UVRAG: variants seen among roughly 807,000 people sequenced by gnomAD.
The protein encoded by UVRAG is UV radiation resistance-associated gene protein.
A neutral mutation model predicts 78.0 loss-of-function variants in UVRAG; 19 were observed. That is an observed-to-expected ratio of 0.24 (90% confidence interval 0.17 to 0.36). The LOEUF is 0.36. Ranked by LOEUF, UVRAG falls within the 10% of genes least tolerant of loss-of-function variation. UVRAG has a pLI of 1.00. For synonymous variants in UVRAG, 323 were observed against 324.6 expected (o/e 1.00, Z 0.05); for missense variants, 740 against 853.8 (o/e 0.87, Z 1.66).
intron 14 of UVRAG, among the ~76,000 whole-genome samples, chr11:76,121,180 T>G (rs1219869141): frequency 6.6e-6 from 1 of 152,248 alleles, no homozygotes; most frequent in African/African-American, 2.4e-5. Flanking sequence ...TATGGAATTC[T>G]TAGCTAATAT....
chr11:76,022,896 T>C (rs543541877), intron 12 of UVRAG, among the ~76,000 whole-genome samples: 1 of 152,332 alleles, frequency 6.6e-6, no homozygotes, highest in South Asian at 2.1e-4. Flanking sequence ...GTGTACCCTT[T>C]TGATTCCTTT....
chr11:75,872,572 A>G (rs1378284808), intron 3 of UVRAG, among the ~76,000 whole-genome samples: 6 of 151,968 alleles, frequency 3.9e-5, no homozygotes, highest in African/African-American at 4.8e-5. Context: ...ATTTTTTAGT[A>G]GAGGTGGGGT....
At chr11:76,116,340 C>T (rs1480231058) in intron 14 of UVRAG, among the ~76,000 whole-genome samples, 1 of 152,210 alleles carries the variant, frequency 6.6e-6, no homozygotes, top group East Asian at 1.9e-4. Context: ...CCCAGAGCCC[C>T]TTGGACCTTT....
intron 6 of UVRAG, among the ~76,000 whole-genome samples, chr11:75,926,311 G>C (rs1354700860): frequency 1.3e-5 from 2 of 152,178 alleles, no homozygotes; most frequent in Non-Finnish European, 2.9e-5. Flanking sequence ...TTCTTTCTTA[G>C]TTGGCATCCC....
At chr11:75,977,262 A>G (rs999317097) in intron 7 of UVRAG, among the ~76,000 whole-genome samples, 4 of 152,144 alleles carry the variant, frequency 2.6e-5, no homozygotes, top group Non-Finnish European at 1.5e-5. Context: ...GTTCTTTTAC[A>G]TTTGCCGAGG....
intron 5 of UVRAG, among the ~76,000 whole-genome samples, chr11:75,892,901 C>T (rs964716478): frequency 6.6e-5 from 10 of 152,156 alleles, no homozygotes; most frequent in Admixed American, 3.9e-4. Context: ...TATTCCTGGC[C>T]GGGTGCTGTG....
At chr11:75,976,690 A>G (rs1438946318) in intron 7 of UVRAG, among the ~76,000 whole-genome samples, 1 of 151,912 alleles carries the variant, frequency 6.6e-6, no homozygotes, top group Non-Finnish European at 1.5e-5. Flanking sequence ...GGTAGTTTGT[A>G]TCTCTGTGGG....
intron 1 of UVRAG, among the ~76,000 whole-genome samples, chr11:75,820,239 A>T (rs759401203): frequency 3.9e-5 from 6 of 152,230 alleles, no homozygotes; most frequent in Non-Finnish European, 7.3e-5. Context: ...TGACCTCCCA[A>T]AGTGTTGGGA....
intron 13 of UVRAG, among the ~76,000 whole-genome samples, chr11:76,104,299 T>C (rs1011146494): frequency 2.6e-5 from 4 of 152,208 alleles, no homozygotes; most frequent in Non-Finnish European, 5.9e-5. Context: ...ATCACCATTA[T>C]CATCATCGTT....
chr11:76,019,685 G>GTC (rs901338994), intron 12 of UVRAG, among the ~76,000 whole-genome samples: 6 of 152,222 alleles, frequency 3.9e-5, no homozygotes, highest in East Asian at 1.9e-4. Flanking sequence ...CTTTTTCTCA[G>GTC]TCTCTCTCTC....
At chr11:75,826,319 C>T (rs190105909) in intron 1 of UVRAG, among the ~76,000 whole-genome samples, 4 of 151,712 alleles carry the variant, frequency 2.6e-5, no homozygotes, top group Non-Finnish European at 5.9e-5. Flanking sequence ...CCACACCCAC[C>T]TAATTTTTTG....
At chr11:75,887,534 G>A (rs1392520352) in intron 4 of UVRAG, among the ~76,000 whole-genome samples, 1 of 146,232 alleles carries the variant, frequency 6.8e-6, no homozygotes, top group Non-Finnish European at 1.5e-5. Context: ...TGCAAGCTCT[G>A]CCTCCCGGGT....
Position 76,142,758 on chromosome 11 carries a change from C to T in UVRAG, c.*1345C>T, listed in dbSNP as rs571255341. ...TGAACAAAAGCCATGTCTATCTAAG[C>T]GGAGGCTGTTGACTTCATTCAGTTT... On this transcript the variant is annotated 3_prime_UTR_variant, in exon 15 of 15. Transcript: ENST00000356136. The T allele has an allele frequency of 2.0e-5, 3 of 152,302 alleles. No homozygotes were observed. The highest frequency in any genetic ancestry group is 7.2e-5 in the African/African-American group (3 of 41,564). 9.4% of individuals were successfully genotyped at this position (152,302 alleles called of 1,614,324 possible).
intron 1 of UVRAG, among the ~76,000 whole-genome samples, chr11:75,847,179 G>A (rs1446463376): frequency 6.6e-6 from 1 of 151,544 alleles, no homozygotes; most frequent in Non-Finnish European, 1.5e-5. Flanking sequence ...CCAGGCTGGA[G>A]TGCAGTGGCG....
At chr11:75,835,221 C>G (rs1469323312) in intron 1 of UVRAG, 1 of 152,066 alleles carries the variant, frequency 6.6e-6, no homozygotes, top group East Asian at 1.9e-4. Context: ...TTTTTTAAGA[C>G]TAGTCAAGTG....
At chr11:75,983,066 T>C (rs1396800766) in intron 7 of UVRAG, among the ~76,000 whole-genome samples, 2 of 152,196 alleles carry the variant, frequency 1.3e-5, no homozygotes, top group Non-Finnish European at 2.9e-5. Context: ...GTATTTAACT[T>C]TTTGAGAACT....
intron 3 of UVRAG, among the ~76,000 whole-genome samples, chr11:75,876,353 A>G (rs1437435814): frequency 6.6e-6 from 1 of 152,154 alleles, no homozygotes; most frequent in Non-Finnish European, 1.5e-5. Context: ...CCTAGATCCA[A>G]GTCTATATCC....
Position 75,911,940 on chromosome 11 carries a change from T to C in UVRAG, c.508-14T>C. 6.4e-7 allele frequency: 1 copy of C among 1,570,392 alleles called. No individual in the cohort carries two copies. Among genetic ancestry groups the C allele is most frequent in the Non-Finnish European group, 8.7e-7 (1 of 1,145,246 alleles). ...TGTTTGGTTTTGATTAATTTGTTGG[T>C]TAATGTCTTTCAGGGTTATTCAAAT... On this transcript the variant is annotated splice_polypyrimidine_tract_variant and intron_variant, in intron 5 of 14. Transcript: ENST00000356136.
intron 5 of UVRAG, among the ~76,000 whole-genome samples, chr11:75,909,957 TA>T (rs1432130313): frequency 6.6e-6 from 1 of 152,224 alleles, no homozygotes; most frequent in African/African-American, 2.4e-5. Flanking sequence ...GGAGTTTGTG[TA>T]AAGTGGATAT....
Sources: gnomAD v4.1 joint callset for allele counts (sites outside exome capture counted in the v4.1 genomes callset) on GRCh38, gnomAD v4.1.1 for gene constraint, MANE v1.5 for transcripts, NCBI Gene and HGNC (gene_info 2026-07-23, HGNC 2026-07-21) for gene names.